Variants in XKR9 observed in about 807,000 individuals in gnomAD.
XKR9 encodes the protein XK related 9.
A neutral mutation model predicts 32.0 loss-of-function variants in XKR9; 32 were observed. That is an observed-to-expected ratio of 1.00 (90% confidence interval 0.76 to 1.34). The LOEUF (loss-of-function observed/expected upper bound fraction) is 1.34. Among genes scored for constraint, XKR9 ranks in the 40% most tolerant of loss-of-function variants. The pLI is 0.00. For missense variants in XKR9, 546 were observed against 429.7 expected (o/e 1.27, Z -2.39); for synonymous variants, 168 against 143.4 (o/e 1.17, Z -1.22).
At chr8:70,939,897 A>G in the XKR9 span, among the ~76,000 whole-genome samples, 1 of 152,156 alleles carries the variant, frequency 6.6e-6, no homozygotes, top group Admixed American at 6.6e-5. Flanking sequence ...TCATGTGTAT[A>G]TATTAATTTG....
downstream of XKR9, among the ~76,000 whole-genome samples, chr8:70,736,289 T>A (rs576493909): frequency 9.0e-4 from 135 of 150,524 alleles, no homozygotes; most frequent in African/African-American, 3.2e-3. Flanking sequence ...TCTGTTCATG[T>A]CCTTCGCCCA....
At position 70,733,795 on chromosome 8, in the gene XKR9, G is replaced by T; in HGVS notation, c.494-1G>T. On this transcript the variant is annotated splice_acceptor_variant, in intron 4 of 4. Transcript: ENST00000408926. LOFTEE classifies it high-confidence loss of function. ...ATATTTTTTATTTTTTTGTTTTGTAGATGCGGCCATCATGGTCTCTTGCTG... is the reference window on the plus strand; with the variant it reads ...ATATTTTTTATTTTTTTGTTTTGTATATGCGGCCATCATGGTCTCTTGCTG... 6.5e-7 allele frequency: 1 copy of T among 1,543,854 alleles called. No individual in the cohort carries two copies. The highest frequency in any genetic ancestry group is 8.7e-7 in the Non-Finnish European group (1 of 1,152,506).
the XKR9 span, among the ~76,000 whole-genome samples, chr8:70,853,054 T>C: frequency 6.6e-6 from 1 of 152,150 alleles, no homozygotes; most frequent in Non-Finnish European, 1.5e-5. Flanking sequence ...AATGGAATAC[T>C]ATTCAACCAT....
chr8:70,699,279 G>A (rs1304025718), intron 3 of XKR9, among the ~76,000 whole-genome samples: 2 of 152,098 alleles, frequency 1.3e-5, no homozygotes, highest in African/African-American at 2.4e-5. Flanking sequence ...TCCTAGCCTC[G>A]ATGGTCTTTA....
intron 4 of XKR9, among the ~76,000 whole-genome samples, chr8:70,727,346 G>T (rs1224644586): frequency 6.7e-6 from 1 of 148,374 alleles, no homozygotes; most frequent in African/African-American, 2.5e-5. Context: ...TTTTTTTCAG[G>T]ACCTCAGAGT....
the XKR9 span, among the ~76,000 whole-genome samples, chr8:70,900,945 GATGGTTTCCAGCTTC>G: frequency 2.0e-5 from 3 of 152,172 alleles, no homozygotes; most frequent in African/African-American, 7.2e-5. Flanking sequence ...TGCTGAGAAT[GATGGTTTCCAGCTTC>G]ATCCATGTCC....
At chr8:70,696,365 T>C (rs1805276089) in intron 3 of XKR9, among the ~76,000 whole-genome samples, 1 of 152,138 alleles carries the variant, frequency 6.6e-6, no homozygotes, top group African/African-American at 2.4e-5. Flanking sequence ...TTGTATAAGG[T>C]GTAAGGAAGG....
the XKR9 span, among the ~76,000 whole-genome samples, chr8:70,920,187 A>C: frequency 1.3e-5 from 2 of 152,228 alleles, no homozygotes; most frequent in Admixed American, 1.3e-4. Context: ...ATAATAATGC[A>C]GCTTTGTCTG....
chr8:70,796,010 TACTC>T, the XKR9 span, among the ~76,000 whole-genome samples: 2 of 152,132 alleles, frequency 1.3e-5, no homozygotes, highest in Non-Finnish European at 2.9e-5. Context: ...GTTTTTTGAT[TACTC>T]ACTCAATTTC....
chr8:70,802,224 C>G, the XKR9 span, among the ~76,000 whole-genome samples: 1 of 152,220 alleles, frequency 6.6e-6, no homozygotes, highest in Admixed American at 6.5e-5. Flanking sequence ...GCGTGAGCCA[C>G]CGCGCCCGGC....
At chr8:70,779,532 C>A (rs1371898664) in intron 2 of XKR9, among the ~76,000 whole-genome samples, 1 of 152,076 alleles carries the variant, frequency 6.6e-6, no homozygotes, top group Non-Finnish European at 1.5e-5. Flanking sequence ...AGGAATGGTA[C>A]CAGCTCCTCT....
At chr8:70,741,193 C>T (rs1280326266) in intron 2 of XKR9, among the ~76,000 whole-genome samples, 1 of 152,064 alleles carries the variant, frequency 6.6e-6, no homozygotes, top group African/African-American at 2.4e-5. Flanking sequence ...GTGGTGGGGA[C>T]TTTGGGCAGT....
At chr8:70,893,981 C>T in the XKR9 span, among the ~76,000 whole-genome samples, 2 of 152,004 alleles carry the variant, frequency 1.3e-5, no homozygotes, top group Admixed American at 6.6e-5. Context: ...GACTGAGGCA[C>T]TCCCTGGCAT....
At chr8:70,927,769 T>A in the XKR9 span, among the ~76,000 whole-genome samples, 1 of 152,216 alleles carries the variant, frequency 6.6e-6, no homozygotes, top group Admixed American at 6.5e-5. Context: ...TTCACAAATA[T>A]TCAAAACATA....
chr8:70,715,796 AGT>A (rs1806068126), intron 4 of XKR9, among the ~76,000 whole-genome samples: 3 of 152,164 alleles, frequency 2.0e-5, no homozygotes, highest in Non-Finnish European at 4.4e-5. Flanking sequence ...AAAACAGAAC[AGT>A]AAGTTTAAGG....
chr8:70,837,832 A>G, the XKR9 span, among the ~76,000 whole-genome samples: 2 of 152,084 alleles, frequency 1.3e-5, no homozygotes, highest in Non-Finnish European at 2.9e-5. Flanking sequence ...CTATACTTCA[A>G]TATTAAACTA....
chr8:71,036,639 G>C, the XKR9 span, among the ~76,000 whole-genome samples: 3 of 152,046 alleles, frequency 2.0e-5, no homozygotes, highest in Non-Finnish European at 2.9e-5. Context: ...AGGACTAAAT[G>C]AGTTAGTGCA....
intron 2 of XKR9, among the ~76,000 whole-genome samples, chr8:70,779,529 G>T: frequency 6.6e-6 from 1 of 152,112 alleles, no homozygotes; most frequent in East Asian, 1.9e-4. Context: ...GGAAGGAATG[G>T]TACCAGCTCC....
the XKR9 span, among the ~76,000 whole-genome samples, chr8:70,974,183 C>T: frequency 6.7e-6 from 1 of 150,324 alleles, no homozygotes; most frequent in Admixed American, 6.6e-5. Context: ...GTGATATTTT[C>T]CTGTTGGACA....
Sources: gnomAD v4.1 joint callset for allele counts (sites outside exome capture counted in the v4.1 genomes callset) on GRCh38, gnomAD v4.1.1 for gene constraint, MANE v1.5 for transcripts, NCBI Gene and HGNC (gene_info 2026-07-23, HGNC 2026-07-21) for gene names.